CLYBL: variants seen among roughly 807,000 people sequenced by gnomAD.
CLYBL encodes the protein citramalyl-CoA lyase, mitochondrial.
In CLYBL, 31 loss-of-function variants were observed where a neutral mutation model predicts 38.9. The observed-to-expected ratio is 0.80, with a 90% CI of 0.60 to 1.08. The LOEUF (loss-of-function observed/expected upper bound fraction) is 1.08. Among genes scored for constraint, CLYBL ranks in the 50% least tolerant of loss-of-function variants. The pLI is 0.00. For missense variants in CLYBL, 434 were observed against 411.6 expected, an observed-to-expected ratio of 1.05 and a Z score of -0.47; for synonymous variants, 171 against 158.6, an observed-to-expected ratio of 1.08 and a Z score of -0.59.
At position 99,637,790 on chromosome 13, in the gene CLYBL, A is replaced by G. The variant is rs1301838754; in HGVS notation, c.62+31033A>G. Among the ~76,000 whole-genome samples the G allele has an allele frequency of 2.6e-5, 4 of 152,118 alleles. 1 individual carries two copies. The highest frequency in any genetic ancestry group is 2.6e-4 in the Admixed American group (4 of 15,252). ...AATAATAAAACCATAAAATTCCTAC[A>G]AAGTGTGAATATATATTTATGAATG... On this transcript the variant is annotated intron_variant, in intron 1 of 8. Transcript: ENST00000339105.
At chr13:99,832,404 A>G (rs2050823223) in intron 2 of CLYBL, among the ~76,000 whole-genome samples, 2 of 152,170 alleles carry the variant, frequency 1.3e-5, no homozygotes, top group African/African-American at 4.8e-5. Flanking sequence ...CTTCTTATTG[A>G]ATTCAATTCA....
chr13:99,641,532 G>A (rs2047093965), intron 1 of CLYBL, among the ~76,000 whole-genome samples: 1 of 151,852 alleles, frequency 6.6e-6, no homozygotes, highest in Non-Finnish European at 1.5e-5. Flanking sequence ...AGCCGGGCAC[G>A]GTGGCAGGCA....
At chr13:99,817,685 AG>A in intron 2 of CLYBL, among the ~76,000 whole-genome samples, 1 of 151,426 alleles carries the variant, frequency 6.6e-6, no homozygotes, top group African/African-American at 2.4e-5. Flanking sequence ...AAAAGAAAAA[AG>A]AAAAGCACTG....
At chr13:99,870,905 T>C in intron 6 of CLYBL, 33 bp from the exon 7 acceptor site, 1 of 1,569,154 alleles carries the variant, frequency 6.4e-7, no homozygotes, top group Non-Finnish European at 8.6e-7. Context: ...TGTTCGTTGT[T>C]TCGTGGTTCC....
At chr13:99,702,634 A>C (rs1479802532) in intron 1 of CLYBL, among the ~76,000 whole-genome samples, 1 of 125,554 alleles carries the variant, frequency 8.0e-6, no homozygotes, top group Non-Finnish European at 1.8e-5. Context: ...TTCCGTCTCA[A>C]AAAAAAAAAA....
At chr13:99,825,589 G>C (rs1404751642) in intron 2 of CLYBL, among the ~76,000 whole-genome samples, 1 of 152,156 alleles carries the variant, frequency 6.6e-6, no homozygotes, top group Non-Finnish European at 1.5e-5. Flanking sequence ...AGTGGGGAAG[G>C]GGGCCTGCTT....
chr13:99,890,822 TTGTACCC>T (rs1320043380), intron 7 of CLYBL, among the ~76,000 whole-genome samples: 1 of 152,176 alleles, frequency 6.6e-6, no homozygotes, highest in Admixed American at 6.5e-5. Flanking sequence ...ACTCATCTCT[TTGTACCC>T]TGTACAATCC....
At chr13:99,905,588 C>T (rs536004699) in intron 9 of CLYBL, among the ~76,000 whole-genome samples, 50 of 152,090 alleles carry the variant, frequency 3.3e-4, no homozygotes, top group African/African-American at 1.0e-3. Context: ...TCAAAGCAAA[C>T]TTGCAAGTCA....
At chr13:99,627,671 G>T (rs1394387682) in intron 1 of CLYBL, among the ~76,000 whole-genome samples, 1 of 152,208 alleles carries the variant, frequency 6.6e-6, no homozygotes, top group East Asian at 1.9e-4. Flanking sequence ...AAGTTAATTT[G>T]CTTTTTCTGT....
At chr13:99,650,123 C>T (rs1333168194) in intron 1 of CLYBL, among the ~76,000 whole-genome samples, 2 of 151,782 alleles carry the variant, frequency 1.3e-5, no homozygotes, top group East Asian at 1.9e-4. Context: ...ATTAGCTGGG[C>T]GTGGTGGCGG....
intron 7 of CLYBL, among the ~76,000 whole-genome samples, chr13:99,886,446 A>C (rs2052352082): frequency 6.6e-6 from 1 of 152,276 alleles, no homozygotes; most frequent in Non-Finnish European, 1.5e-5. Flanking sequence ...GGTGTCAGAA[A>C]AACTACAGTT....
intron 1 of CLYBL, among the ~76,000 whole-genome samples, chr13:99,685,121 G>C (rs1343748382): frequency 6.6e-6 from 1 of 152,162 alleles, no homozygotes; most frequent in Non-Finnish European, 1.5e-5. Flanking sequence ...GAGTCTTGTT[G>C]CTAAAACATC....
chr13:99,827,399 A>G (rs1274152173), intron 2 of CLYBL, among the ~76,000 whole-genome samples: 1 of 152,188 alleles, frequency 6.6e-6, no homozygotes, highest in Non-Finnish European at 1.5e-5. Context: ...ATGGCCTCCA[A>G]AGAGACCATG....
At chr13:99,875,499 G>T (rs1487438542) in intron 7 of CLYBL, among the ~76,000 whole-genome samples, 1 of 152,098 alleles carries the variant, frequency 6.6e-6, no homozygotes, top group Non-Finnish European at 1.5e-5. Context: ...CAAATGCAAG[G>T]CTTTACAAAA....
At chr13:99,859,077 C>G (rs1424002822) in intron 3 of CLYBL, 28 bp downstream of exon 3, 8 of 1,581,102 alleles carry the variant, frequency 5.1e-6, no homozygotes, top group Non-Finnish European at 6.9e-6. Flanking sequence ...TGCCTTAAGA[C>G]TCAGGAGCAG....
intron 2 of CLYBL, among the ~76,000 whole-genome samples, chr13:99,847,366 C>T (rs1335313874): frequency 6.6e-6 from 1 of 152,208 alleles, no homozygotes; most frequent in Non-Finnish European, 1.5e-5. Context: ...TACTTTTATT[C>T]TCCCACGCAG....
At chr13:99,861,459 A>G (rs1271892860) in intron 3 of CLYBL, among the ~76,000 whole-genome samples, 1 of 152,210 alleles carries the variant, frequency 6.6e-6, no homozygotes, top group East Asian at 1.9e-4. Context: ...TATCCCTACT[A>G]CATTTTTAAC....
rs147202649 is a variant in CLYBL at position 99,710,128 on chromosome 13, G to A, written c.63-62696G>A. Among the ~76,000 whole-genome samples, 7 of 151,902 alleles carry A rather than the reference G, an allele frequency of 4.6e-5. 1 individual carries two copies. The South Asian group carries it at 1.5e-3, about 32-fold the overall frequency. On this transcript the variant is annotated intron_variant, in intron 1 of 8. Coordinates refer to ENST00000339105, the MANE Select transcript of CLYBL (RefSeq NM_206808.5). Reference sequence around the variant, plus strand: ...TTCAGTAGAGATGGGGTTTCACCGTGGTCTCGATCTGCTGACCTCGTGATC... The same window carrying A: ...TTCAGTAGAGATGGGGTTTCACCGTAGTCTCGATCTGCTGACCTCGTGATC...
At chr13:99,803,839 C>T (rs569083349) in intron 2 of CLYBL, among the ~76,000 whole-genome samples, 2 of 152,206 alleles carry the variant, frequency 1.3e-5, no homozygotes, top group South Asian at 2.1e-4. Context: ...GATAGACATT[C>T]GCGGTCACAC....
Sources: allele counts gnomAD v4.1 joint callset (sites outside exome capture counted in the v4.1 genomes callset), GRCh38; gene constraint gnomAD v4.1.1; transcripts MANE v1.5; gene names NCBI Gene and HGNC (gene_info 2026-07-23, HGNC 2026-07-21).